CENPK: variants seen among roughly 807,000 people sequenced by gnomAD.
CENPK encodes centromere protein K.
In CENPK, 46 loss-of-function variants were observed where a neutral mutation model predicts 40.9. The ratio of observed to expected loss-of-function variants is 1.13; its 90% CI spans 0.89 to 1.44. CENPK has a LOEUF of 1.44. Among genes scored for constraint, CENPK ranks in the 40% most tolerant of loss-of-function variants. The pLI is 0.00. For synonymous variants in CENPK, 107 were observed against 104.4 expected (o/e 1.02, Z -0.15); for missense variants, 288 against 303.5 (o/e 0.95, Z 0.38).
chr5:65,520,974 A>C (rs1183869772), intron 10 of CENPK, among the ~76,000 whole-genome samples: 1 of 152,196 alleles, frequency 6.6e-6, no homozygotes, highest in Non-Finnish European at 1.5e-5. Flanking sequence ...AAATCAGAGA[A>C]AGTTGGAAAA....
At chr5:65,521,433 T>C (rs1561615475) in intron 10 of CENPK, 42 bp downstream of exon 10, 4 of 1,509,448 alleles carry the variant, frequency 2.6e-6, no homozygotes, top group South Asian at 1.1e-5. Context: ...CACAAATGAC[T>C]AAGACAGCTT....
downstream of CENPK, among the ~76,000 whole-genome samples, chr5:65,513,762 A>G (rs2150319011): frequency 6.6e-6 from 1 of 152,364 alleles, no homozygotes; most frequent in South Asian, 2.1e-4. Flanking sequence ...TTAAATAGGA[A>G]TGATGCGATC....
Position 65,538,584 on chromosome 5 carries a change from A to G in CENPK, c.288+4218T>C, listed in dbSNP as rs188339625. ...ACTTCGTTTAAATATTTTCTCAGCG[A>G]AAGATTCAACTTCATTCCTCGTAAG... On this transcript the variant is annotated intron_variant, in intron 6 of 10. Coordinates refer to ENST00000396679, the MANE Select transcript of CENPK (RefSeq NM_022145.5). Among the ~76,000 whole-genome samples, 224 of 152,332 alleles carry G rather than the reference A, an allele frequency of 1.5e-3. 3 individuals are homozygous for G. The highest frequency in any genetic ancestry group is 0.01 in the Middle Eastern group (3 of 294).
chr5:65,534,123 T>C (rs1746446799), intron 6 of CENPK, among the ~76,000 whole-genome samples: 1 of 146,776 alleles, frequency 6.8e-6, no homozygotes, highest in African/African-American at 2.5e-5. Context: ...GTCAAAATTA[T>C]GAAATAATAA....
chr5:65,500,661 C>T, the CENPK span, among the ~76,000 whole-genome samples: 4 of 151,638 alleles, frequency 2.6e-5, no homozygotes, highest in Admixed American at 1.3e-4. Context: ...TTTGTTTTTT[C>T]GGTTTTTTGT....
At chr5:65,502,589 A>G in the CENPK span, among the ~76,000 whole-genome samples, 1 of 152,040 alleles carries the variant, frequency 6.6e-6, no homozygotes, top group Non-Finnish European at 1.5e-5. Flanking sequence ...ATTCTCTAAC[A>G]TGAAGAGTCT....
the CENPK span, among the ~76,000 whole-genome samples, chr5:65,499,873 G>A: frequency 9.8e-6 from 1 of 101,664 alleles, no homozygotes; most frequent in Non-Finnish European, 2.0e-5. Context: ...CTGTGTCCAT[G>A]TGATCTCATT....
chr5:65,523,801 T>C (rs2150351762), intron 9 of CENPK, among the ~76,000 whole-genome samples: 1 of 152,320 alleles, frequency 6.6e-6, no homozygotes, highest in South Asian at 2.1e-4. Flanking sequence ...TCTTATGTTA[T>C]TGGTTCAAAT....
intron 10 of CENPK, among the ~76,000 whole-genome samples, chr5:65,519,102 C>T (rs1237120858): frequency 2.0e-5 from 3 of 152,114 alleles, no homozygotes; most frequent in Non-Finnish European, 4.4e-5. Flanking sequence ...CCTTCAGCTT[C>T]ATCCTGAGTA....
chr5:65,546,326 G>A (rs1748969722), intron 5 of CENPK, among the ~76,000 whole-genome samples: 2 of 122,934 alleles, frequency 1.6e-5, no homozygotes, highest in South Asian at 3.2e-4. Context: ...TAACAAATAT[G>A]CTGTATGTGC....
At chr5:65,504,411 C>G in the CENPK span, among the ~76,000 whole-genome samples, 1 of 137,052 alleles carries the variant, frequency 7.3e-6, no homozygotes, top group South Asian at 2.4e-4. Flanking sequence ...GGGCCAAGAT[C>G]GTGCCATTGC....
chr5:65,531,142 C>T (rs1039103315), intron 6 of CENPK, among the ~76,000 whole-genome samples: 1 of 152,098 alleles, frequency 6.6e-6, no homozygotes, highest in East Asian at 1.9e-4. Flanking sequence ...GGCAACGGAG[C>T]AAGATCCTCT....
At chr5:65,509,284 G>C in the CENPK span, among the ~76,000 whole-genome samples, 1 of 152,162 alleles carries the variant, frequency 6.6e-6, no homozygotes, top group Non-Finnish European at 1.5e-5. Flanking sequence ...CCTATGCATT[G>C]CTTCCATCCA....
chr5:65,543,263 ATTTTT>A (rs1748301608), intron 5 of CENPK, among the ~76,000 whole-genome samples: 1 of 152,148 alleles, frequency 6.6e-6, no homozygotes, highest in Non-Finnish European at 1.5e-5. Flanking sequence ...CATTTTATTT[ATTTTT>A]AACATCTTTG....
rs1053275890 is a variant in CENPK at position 65,561,463 on chromosome 5, C to T, written c.-40G>A. On this transcript the variant is annotated splice_region_variant and 5_prime_UTR_variant, in exon 2 of 11. Coordinates refer to ENST00000396679, the MANE Select transcript of CENPK (RefSeq NM_022145.5). ...AAACATTTAAGAGTTTGCTCTCTAC[C>T]GCTTGAGGATGCAAGATGTAAGCTG... 1.8e-5 allele frequency: 8 copies of T among 453,894 alleles called. No individual in the cohort carries two copies. Among genetic ancestry groups the T allele is most frequent in the Middle Eastern group, 3.2e-4 (1 of 3,092 alleles). 28.1% of individuals were successfully genotyped at this position (453,894 alleles called of 1,614,324 possible).
intron 9 of CENPK, among the ~76,000 whole-genome samples, chr5:65,524,976 C>T (rs992476448): frequency 1.3e-4 from 20 of 152,180 alleles, no homozygotes; most frequent in African/African-American, 4.8e-4. Flanking sequence ...TTGAAAGGAT[C>T]TCTCCAGAAC....
intron 6 of CENPK, 108 bp from the exon 7 acceptor site, chr5:65,529,307 G>C (rs1745304148): frequency 1.4e-6 from 1 of 701,752 alleles, no homozygotes. Flanking sequence ...TCAGACATCA[G>C]TAGTGAAAAA....
intron 2 of CENPK, among the ~76,000 whole-genome samples, chr5:65,559,886 T>C (rs438168): frequency 6.6e-5 from 10 of 152,036 alleles, no homozygotes; most frequent in African/African-American, 1.7e-4. Flanking sequence ...CAAATAGATA[T>C]ATATTTTATA....
At chr5:65,545,357 C>A (rs889583390) in intron 5 of CENPK, among the ~76,000 whole-genome samples, 1 of 147,436 alleles carries the variant, frequency 6.8e-6, no homozygotes, top group African/African-American at 2.5e-5. Flanking sequence ...CACACACACA[C>A]ACACACACAC....
Sources: gnomAD v4.1 joint callset for allele counts (sites outside exome capture counted in the v4.1 genomes callset) on GRCh38, gnomAD v4.1.1 for gene constraint, MANE v1.5 for transcripts, NCBI Gene and HGNC (gene_info 2026-07-23, HGNC 2026-07-21) for gene names.